Variants in CCDC12 observed in about 807,000 individuals in gnomAD.
The protein encoded by CCDC12 is coiled-coil domain-containing protein 12.
CCDC12 carries 28 observed loss-of-function variants against 25.7 expected under a neutral mutation model. The observed-to-expected ratio is 1.09, with a 90% CI of 0.81 to 1.50. The LOEUF (loss-of-function observed/expected upper bound fraction) is 1.50. CCDC12 is among the 40% of genes most tolerant of loss of function. The probability of loss-of-function intolerance (pLI) is 0.00; values close to 1 mark genes in which losing one functional copy is unlikely to be tolerated. For synonymous variants in CCDC12, 75 were observed against 87.7 expected (o/e 0.86, Z 0.81); for missense variants, 198 against 210.0 (o/e 0.94, Z 0.35).
intron 2 of CCDC12, among the ~76,000 whole-genome samples, chr3:46,938,324 C>T (rs1307665124): frequency 1.3e-5 from 2 of 152,110 alleles, no homozygotes. Context: ...CATGGCAGGG[C>T]CTCTTTTATC....
At chr3:46,968,073 G>A (rs547389279) in intron 1 of CCDC12, among the ~76,000 whole-genome samples, 1 of 152,246 alleles carries the variant, frequency 6.6e-6, no homozygotes, top group East Asian at 1.9e-4. Flanking sequence ...GAGGGCCTCA[G>A]AAGGAAATGC....
chr3:46,923,711 C>T (rs762975834), intron 3 of CCDC12, 43 bp from the exon 4 acceptor site: 18 of 1,430,370 alleles, frequency 1.3e-5, no homozygotes, highest in Non-Finnish European at 1.7e-5. Flanking sequence ...GGAAAACGCG[C>T]TGCCACTCTG....
chr3:46,937,632 G>T (rs1356489450), intron 2 of CCDC12, among the ~76,000 whole-genome samples: 1 of 152,200 alleles, frequency 6.6e-6, no homozygotes, highest in Non-Finnish European at 1.5e-5. Context: ...TCTGGAATCA[G>T]CTCCCAATCC....
chr3:46,932,233 C>T (rs1246004451), intron 2 of CCDC12, among the ~76,000 whole-genome samples: 1 of 152,190 alleles, frequency 6.6e-6, no homozygotes, highest in African/African-American at 2.4e-5. Context: ...TCTATATACG[C>T]ACGATCCTGG....
At chr3:46,973,899 A>C (rs189370030) in intron 1 of CCDC12, among the ~76,000 whole-genome samples, 43 of 152,266 alleles carry the variant, frequency 2.8e-4, no homozygotes, top group African/African-American at 9.9e-4. Context: ...GGCGTGAGCC[A>C]CCGCACCAGG....
chr3:46,944,401 T>C (rs146046795), intron 1 of CCDC12, among the ~76,000 whole-genome samples: 1 of 152,220 alleles, frequency 6.6e-6, no homozygotes, highest in East Asian at 1.9e-4. Context: ...TGTGCTCAGA[T>C]GCGGCCACAG....
intron 1 of CCDC12, among the ~76,000 whole-genome samples, chr3:46,967,370 C>A (rs948902402): frequency 6.6e-6 from 1 of 152,056 alleles, no homozygotes; most frequent in African/African-American, 2.4e-5. Context: ...CTGCAAGGCC[C>A]CCTTCTAACT....
chr3:46,971,548 T>C (rs1207150807), intron 1 of CCDC12, among the ~76,000 whole-genome samples: 1 of 152,184 alleles, frequency 6.6e-6, no homozygotes, highest in Non-Finnish European at 1.5e-5. Context: ...CGCAGAATAA[T>C]ACACGGAAAC....
intron 2 of CCDC12, among the ~76,000 whole-genome samples, chr3:46,936,179 G>A (rs191911036): frequency 1.3e-5 from 2 of 152,300 alleles, no homozygotes; most frequent in Admixed American, 1.3e-4. Context: ...TGCAAAATGA[G>A]ACCACTCAGC....
At chr3:46,938,132 T>C (rs2033527798) in intron 2 of CCDC12, among the ~76,000 whole-genome samples, 1 of 152,152 alleles carries the variant, frequency 6.6e-6, no homozygotes, top group Non-Finnish European at 1.5e-5. Context: ...AGCAGAAGAA[T>C]ATGATGAGCT....
upstream of CCDC12, chr3:46,976,957 CAAAA>C: frequency 9.6e-6 from 3 of 311,670 alleles, no homozygotes; most frequent in East Asian, 4.8e-5. Context: ...GGGGAGCCAG[CAAAA>C]AAAAAAAAGA....
rs575852917 is a variant in CCDC12 at position 46,964,083 on chromosome 3, T to C, written c.96+12554A>G. Among the ~76,000 whole-genome samples the C allele has an allele frequency of 9.3e-5, 14 of 150,486 alleles. No individual in the cohort carries two copies. In the East Asian group the frequency reaches 2.8e-3, roughly 30 times the overall value. ...TTGCCCCGCCGCCCCGTCTGGGATG[T>C]GAGGAGCGCCTCTGCCTAGCTGCGA... On this transcript the variant is annotated intron_variant, in intron 1 of 6. Coordinates refer to ENST00000683445, the MANE Select transcript of CCDC12 (RefSeq NM_001277074.2).
chr3:46,955,532 G>A (rs2034263762), intron 1 of CCDC12, among the ~76,000 whole-genome samples: 2 of 152,110 alleles, frequency 1.3e-5, no homozygotes, highest in South Asian at 2.1e-4. Context: ...CAGACTGAGC[G>A]GTCAGAGAGG....
chr3:46,929,869 A>G (rs1363930514), intron 2 of CCDC12, among the ~76,000 whole-genome samples: 4 of 151,646 alleles, frequency 2.6e-5, no homozygotes, highest in Non-Finnish European at 5.9e-5. Context: ...CATCTCTACT[A>G]AAAAAACAAA....
intron 2 of CCDC12, among the ~76,000 whole-genome samples, chr3:46,935,818 G>A (rs2033420444): frequency 6.6e-6 from 1 of 152,166 alleles, no homozygotes; most frequent in African/African-American, 2.4e-5. Context: ...TGGTTGTATG[G>A]GGATAGGACA....
chr3:46,963,462 G>C (rs956675636), intron 1 of CCDC12, among the ~76,000 whole-genome samples: 1 of 124,552 alleles, frequency 8.0e-6, no homozygotes, highest in Non-Finnish European at 1.7e-5. Flanking sequence ...CCTCTCCCAC[G>C]GTTTCCCTCT....
chr3:46,942,782 A>G (rs1380285036), intron 1 of CCDC12, among the ~76,000 whole-genome samples: 2 of 152,160 alleles, frequency 1.3e-5, no homozygotes, highest in Non-Finnish European at 2.9e-5. Context: ...GCTACACGAG[A>G]GAGGTCAACA....
At chr3:46,934,876 G>A (rs2033382044) in intron 2 of CCDC12, among the ~76,000 whole-genome samples, 2 of 152,230 alleles carry the variant, frequency 1.3e-5, no homozygotes, top group African/African-American at 2.4e-5. Context: ...GATGGGAGCC[G>A]CCCTGGTCGG....
intron 1 of CCDC12, among the ~76,000 whole-genome samples, chr3:46,951,770 ACTCCGTCTC>A: frequency 1.0e-5 from 1 of 97,756 alleles, no homozygotes; most frequent in East Asian, 2.9e-4. Flanking sequence ...ACAGAACGAG[ACTCCGTCTC>A]AAAAAAAAAA....
Sources: gnomAD v4.1 joint callset for allele counts (sites outside exome capture counted in the v4.1 genomes callset) on GRCh38, gnomAD v4.1.1 for gene constraint, MANE v1.5 for transcripts, NCBI Gene and HGNC (gene_info 2026-07-23, HGNC 2026-07-21) for gene names.